C4orf17: variants seen among roughly 807,000 people sequenced by gnomAD.
C4orf17 encodes uncharacterized protein C4orf17.
Under a neutral mutation model 32.0 loss-of-function variants are expected in C4orf17, and 25 were observed. The observed-to-expected ratio is 0.78, with a 90% CI of 0.57 to 1.09. The LOEUF (loss-of-function observed/expected upper bound fraction) is 1.09. C4orf17 is among the 50% of genes least tolerant of loss of function. The probability of loss-of-function intolerance (pLI) is 0.00; values close to 1 mark genes in which losing one functional copy is unlikely to be tolerated. For synonymous variants in C4orf17, 149 were observed against 145.8 expected, an observed-to-expected ratio of 1.02 and a Z score of -0.16; for missense variants, 420 against 420.0, an observed-to-expected ratio of 1.00 and a Z score of 0.00.
chr4:99,541,693 G>A, intron 8 of C4orf17: 1 of 487,010 alleles, frequency 2.1e-6, no homozygotes, highest in Non-Finnish European at 3.6e-6. Context: ...TGAGAGTGAA[G>A]GAACATATCC....
intron 2 of C4orf17, among the ~76,000 whole-genome samples, chr4:99,519,819 A>G (rs922050540): frequency 1.2e-4 from 19 of 152,198 alleles, no homozygotes; most frequent in African/African-American, 3.9e-4. Flanking sequence ...AGAGAGGAGA[A>G]GAGAAGGTTG....
intron 2 of C4orf17, among the ~76,000 whole-genome samples, chr4:99,516,559 T>C (rs956648294): frequency 6.6e-6 from 1 of 152,204 alleles, no homozygotes; most frequent in African/African-American, 2.4e-5. Context: ...ATCTGGCTGG[T>C]CCAGCCACTC....
Position 99,516,148 on chromosome 4 carries a change from A to G in C4orf17, c.127+2940A>G, listed in dbSNP as rs555575054. 1.1e-4 allele frequency among the ~76,000 whole-genome samples: 17 copies of G among 152,362 alleles called. No homozygotes were observed. In the South Asian group the frequency reaches 2.5e-3, roughly 22 times the overall value. On this transcript the variant is annotated intron_variant, in intron 2 of 8. Transcript: ENST00000326581. ...AAGTCATTTCATTCAGCAGATGTTT[A>G]TTCAATTTCAAACATATAACAAACT... is the stretch of plus-strand genomic sequence containing the variant.
chr4:99,521,963 T>G (rs979351403), intron 2 of C4orf17, among the ~76,000 whole-genome samples: 1 of 152,192 alleles, frequency 6.6e-6, no homozygotes, highest in Non-Finnish European at 1.5e-5. Flanking sequence ...TTATACCAAC[T>G]TCTCCTTCCT....
At chr4:99,514,250 T>C (rs554080689) in intron 2 of C4orf17, among the ~76,000 whole-genome samples, 5 of 151,908 alleles carry the variant, frequency 3.3e-5, no homozygotes, top group Non-Finnish European at 7.4e-5. Context: ...CAAAAATAAA[T>C]AAATAAATGG....
At chr4:99,520,212 C>T (rs1723262396) in intron 2 of C4orf17, among the ~76,000 whole-genome samples, 1 of 151,642 alleles carries the variant, frequency 6.6e-6, no homozygotes. Context: ...GCCTTAGTCT[C>T]CCGAGTAGCT....
At chr4:99,514,128 T>C (rs1723139404) in intron 2 of C4orf17, among the ~76,000 whole-genome samples, 1 of 152,214 alleles carries the variant, frequency 6.6e-6, no homozygotes, top group African/African-American at 2.4e-5. Context: ...CTCCAGCAGA[T>C]GGAAATGTGT....
intron 2 of C4orf17, among the ~76,000 whole-genome samples, chr4:99,521,416 T>C (rs1380528135): frequency 1.3e-5 from 2 of 152,044 alleles, no homozygotes; most frequent in Non-Finnish European, 2.9e-5. Context: ...CCATTGCATA[T>C]TGTGTATTTA....
At chr4:99,520,026 C>A (rs1723256983) in intron 2 of C4orf17, among the ~76,000 whole-genome samples, 1 of 151,758 alleles carries the variant, frequency 6.6e-6, no homozygotes, top group South Asian at 2.1e-4. Context: ...TTGTCTTGGC[C>A]AAACCTGAGG....
chr4:99,518,518 AATATATAT>A (rs1323508832), intron 2 of C4orf17, among the ~76,000 whole-genome samples: 2 of 16,832 alleles, frequency 1.2e-4, no homozygotes, highest in Non-Finnish European at 1.8e-4. Flanking sequence ...AAAAAAAAAA[AATATATAT>A]ATATATATAT....
At chr4:99,526,776 GT>G (rs1197986930) in intron 4 of C4orf17, among the ~76,000 whole-genome samples, 1 of 151,414 alleles carries the variant, frequency 6.6e-6, no homozygotes, top group Non-Finnish European at 1.5e-5. Flanking sequence ...CTGATGTAAA[GT>G]TTTTTAAAAT....
At chr4:99,533,036 G>A (rs920981431) in intron 5 of C4orf17, among the ~76,000 whole-genome samples, 1 of 152,190 alleles carries the variant, frequency 6.6e-6, no homozygotes, top group African/African-American at 2.4e-5. Flanking sequence ...GATGCAGACA[G>A]TGCATGGAGA....
chr4:99,517,177 C>A (rs1723201968), intron 2 of C4orf17, among the ~76,000 whole-genome samples: 1 of 152,322 alleles, frequency 6.6e-6, no homozygotes, highest in South Asian at 2.1e-4. Context: ...TCTTTCCCAG[C>A]AGATTTCGCA....
At chr4:99,524,002 C>T (rs1279963514) in intron 3 of C4orf17, among the ~76,000 whole-genome samples, 17 of 119,964 alleles carry the variant, frequency 1.4e-4, no homozygotes, top group African/African-American at 4.2e-4. Context: ...TTTTTTGAGA[C>T]GGAGTCTTGC....
rs533367850 is a variant in C4orf17 at position 99,522,239 on chromosome 4, T to A, written c.128-261T>A. Among the ~76,000 whole-genome samples, 3 of 152,272 alleles carry A rather than the reference T, an allele frequency of 2.0e-5. No homozygotes were observed. In the South Asian group the frequency reaches 6.2e-4, roughly 32 times the overall value. ...TTGAATCCCAGACCAACATCGACGA[T>A]GTGGTCTGGCCCTGAAGACTGACAA... On this transcript the variant is annotated intron_variant, in intron 2 of 8. Transcript: ENST00000326581.
intron 2 of C4orf17, among the ~76,000 whole-genome samples, chr4:99,522,212 A>T (rs1723297191): frequency 6.6e-6 from 1 of 152,198 alleles, no homozygotes; most frequent in South Asian, 2.1e-4. Context: ...GGTCTACTCC[A>T]CTTGAATCCC....
chr4:99,529,792 GTTATA>G lies in C4orf17; in HGVS notation c.403-17_403-13del. 1 of 1,578,350 alleles carries G rather than the reference GTTATA, an allele frequency of 6.3e-7. No homozygotes were observed. The highest frequency in any genetic ancestry group is 2.3e-5 in the East Asian group (1 of 44,298). On this transcript the variant is annotated intron_variant, in intron 4 of 8. Transcript: ENST00000326581. ...TATAGGTGGATGCAAATGTATATTG[GTTATA>G]TTATACTTTTGATTTAGGAAGAAAT...
intron 4 of C4orf17, among the ~76,000 whole-genome samples, chr4:99,524,839 G>A (rs1265796229): frequency 1.3e-5 from 2 of 152,182 alleles, no homozygotes; most frequent in East Asian, 1.9e-4. Context: ...GTTTTCTCAC[G>A]ATTCTGGCCC....
At chr4:99,529,194 T>C (rs982081328) in intron 4 of C4orf17, among the ~76,000 whole-genome samples, 9 of 152,214 alleles carry the variant, frequency 5.9e-5, no homozygotes, top group African/African-American at 1.9e-4. Flanking sequence ...AGAAAGCCTT[T>C]CCTGGAACAG....
Sources: allele counts gnomAD v4.1 joint callset (sites outside exome capture counted in the v4.1 genomes callset), GRCh38; gene constraint gnomAD v4.1.1; transcripts MANE v1.5; gene names NCBI Gene and HGNC (gene_info 2026-07-23, HGNC 2026-07-21).